The following CYP2C8 variants were observed in gnomAD, a reference collection of about 807,000 sequenced individuals.
The protein encoded by CYP2C8 is cytochrome P450 2C8.
A neutral mutation model predicts 41.3 loss-of-function variants in CYP2C8; 51 were observed. The ratio of observed to expected loss-of-function variants is 1.24; its 90% confidence interval spans 0.99 to 1.56. CYP2C8 has a LOEUF of 1.56. Among genes scored for constraint, CYP2C8 ranks in the 40% most tolerant of loss-of-function variants. The pLI is 0.00. For synonymous variants in CYP2C8, 218 were observed against 205.8 expected, an observed-to-expected ratio of 1.06 and a Z score of -0.51; for missense variants, 651 against 579.9, an observed-to-expected ratio of 1.12 and a Z score of -1.26.
At chr10:95,056,405 C>A (rs1001588649) in intron 5 of CYP2C8, among the ~76,000 whole-genome samples, 1 of 151,826 alleles carries the variant, frequency 6.6e-6, no homozygotes, top group Non-Finnish European at 1.5e-5. Flanking sequence ...AGGACTATAC[C>A]CTGGAAAAAT....
intron 5 of CYP2C8, among the ~76,000 whole-genome samples, chr10:95,050,860 C>A (rs1340691993): frequency 2.1e-5 from 3 of 143,426 alleles, no homozygotes; most frequent in Non-Finnish European, 3.1e-5. Flanking sequence ...GAAAGCCTAA[C>A]AAGAAGGATG....
At chr10:95,039,062 C>G in intron 7 of CYP2C8, 24 bp from the exon 8 acceptor site, 3 of 1,609,752 alleles carry the variant, frequency 1.9e-6, no homozygotes, top group Non-Finnish European at 2.6e-6. Flanking sequence ...AACAGATAAT[C>G]TGATTTATAA....
At chr10:95,055,922 T>C (rs1209713281) in intron 5 of CYP2C8, among the ~76,000 whole-genome samples, 1 of 151,820 alleles carries the variant, frequency 6.6e-6, no homozygotes, top group East Asian at 1.9e-4. Context: ...GAAACCAAGT[T>C]TGTACAAAAA....
chr10:95,052,163 G>C (rs1564737214), intron 5 of CYP2C8, among the ~76,000 whole-genome samples: 1 of 151,964 alleles, frequency 6.6e-6, no homozygotes, highest in Non-Finnish European at 1.5e-5. Flanking sequence ...ATCATTGGTG[G>C]CTACCATGAA....
intron 3 of CYP2C8, among the ~76,000 whole-genome samples, chr10:95,065,352 G>C (rs1312868573): frequency 1.3e-5 from 2 of 152,134 alleles, no homozygotes; most frequent in African/African-American, 4.8e-5. Context: ...AGAAAAGTTG[G>C]GGACCTAGAA....
chr10:95,049,888 G>C (rs2033183942), intron 5 of CYP2C8, among the ~76,000 whole-genome samples: 2 of 136,488 alleles, frequency 1.5e-5, no homozygotes, highest in Non-Finnish European at 3.1e-5. Flanking sequence ...ATAGCTAGCA[G>C]CAATACCCAG....
chr10:95,060,535 G>A (rs963937405), intron 4 of CYP2C8, among the ~76,000 whole-genome samples: 2 of 152,188 alleles, frequency 1.3e-5, no homozygotes, highest in Admixed American at 6.5e-5. Flanking sequence ...AGCTTAAGGA[G>A]ATTTTGGGCT....
At position 95,069,469 on chromosome 10, in the gene CYP2C8, C is replaced by T. The variant is rs1392342331; in HGVS notation, c.-67G>A. ...TCCAAAGTTTTTATAACACTCCCTG[C>T]TAATTTAGTGTGTGTCTCTTTGACA... is the stretch of plus-strand genomic sequence containing the variant. On this transcript the variant is annotated 5_prime_UTR_variant, in exon 1 of 9. The change abolishes the stop of an existing upstream ORF in the 5' untranslated region. Coordinates refer to ENST00000371270, the MANE Select transcript of CYP2C8 (RefSeq NM_000770.3). 1 of 1,272,090 alleles carries T rather than the reference C, an allele frequency of 7.9e-7. No individual in the cohort carries two copies. The highest frequency in any genetic ancestry group is 1.1e-6 in the Non-Finnish European group (1 of 874,132). The allele number at this position is 1,272,090 out of a possible 1,614,324, so 78.8% of individuals were successfully genotyped here.
chr10:95,046,063 A>T, intron 5 of CYP2C8, 112 bp from the exon 6 acceptor site: 9 of 1,212,310 alleles, frequency 7.4e-6, no homozygotes, highest in Non-Finnish European at 1.1e-5. Flanking sequence ...GATACTGGAC[A>T]GTACAGTATT....
At chr10:95,064,327 G>C (rs2033510436) in intron 4 of CYP2C8, among the ~76,000 whole-genome samples, 1 of 152,162 alleles carries the variant, frequency 6.6e-6, no homozygotes, top group South Asian at 2.1e-4. Flanking sequence ...CCTCAGCAAT[G>C]GTGGACACCC....
At chr10:95,056,705 G>T (rs895938794) in intron 5 of CYP2C8, among the ~76,000 whole-genome samples, 3 of 152,186 alleles carry the variant, frequency 2.0e-5, no homozygotes, top group African/African-American at 7.2e-5. Flanking sequence ...AATCCATAAA[G>T]ATAGTTGATT....
chr10:95,050,666 A>G (rs999281244), intron 5 of CYP2C8, among the ~76,000 whole-genome samples: 2 of 152,162 alleles, frequency 1.3e-5, no homozygotes, highest in African/African-American at 2.4e-5. Flanking sequence ...CAAGACCATC[A>G]AGGCAGTACC....
chr10:95,059,614 G>C (rs1006621401), intron 4 of CYP2C8, among the ~76,000 whole-genome samples: 3 of 152,164 alleles, frequency 2.0e-5, no homozygotes, highest in Non-Finnish European at 4.4e-5. Flanking sequence ...TCTGATGGTA[G>C]TTTCTTTTGC....
rs368892540 is a variant in CYP2C8 at position 95,041,514 on chromosome 10, G to A, written c.1149+1376C>T. 8.5e-5 allele frequency among the ~76,000 whole-genome samples: 13 copies of A among 152,290 alleles called. 1 individual carries two copies. The South Asian group carries it at 2.7e-3, about 32-fold the overall frequency. On this transcript the variant is annotated intron_variant, in intron 7 of 8. Coordinates refer to ENST00000371270, the MANE Select transcript of CYP2C8 (RefSeq NM_000770.3). ...AATCTGTGCAAGGCCGGGCGCGGTG[G>A]CTCACGCCTGTAGTCCCAGCACTTT...
At chr10:95,049,339 A>G (rs2033170292) in intron 5 of CYP2C8, among the ~76,000 whole-genome samples, 1 of 152,172 alleles carries the variant, frequency 6.6e-6, no homozygotes, top group African/African-American at 2.4e-5. Flanking sequence ...AATATATATC[A>G]CTGAAAGAGG....
Position 95,067,545 on chromosome 10 carries a change from T to C in CYP2C8, c.315A>G (p.Arg105=). 6.2e-7 allele frequency: 1 copy of C among 1,614,106 alleles called. No homozygotes were observed. Among genetic ancestry groups the C allele is most frequent in the Non-Finnish European group, 8.5e-7 (1 of 1,180,024 alleles). ...TGCACCTACCAAGTCCTTTAGTAAT[T>C]CTTTGAGATATTGGGGAATTGCCTC... ...SGRGNSPISQ[R]ITKGLGIISS... Residue 105 remains arginine, a synonymous_variant, in exon 2 of 9, where the codon AGA becomes AGG. Coordinates refer to ENST00000371270, the MANE Select transcript of CYP2C8 (RefSeq NM_000770.3).
chr10:95,037,087 G>A lies in CYP2C8; in HGVS notation c.*41C>T, dbSNP rs763093989. On this transcript the variant is annotated 3_prime_UTR_variant, in exon 9 of 9. Coordinates refer to ENST00000371270, the MANE Select transcript of CYP2C8 (RefSeq NM_000770.3). ...GAATGTCCTTGATAAAAAAAGAGTT[G>A]CAGGTGATAGCAGATCGGCAGCCAG... The A allele has an allele frequency of 3.2e-6, 5 of 1,568,600 alleles. No individual in the cohort carries two copies. The highest frequency in any genetic ancestry group is 4.4e-6 in the Non-Finnish European group (5 of 1,139,246).
Position 95,067,382 on chromosome 10 carries a change from G to A in CYP2C8, c.332-25C>T, listed in dbSNP as rs1344289142. Reference sequence around the variant, plus strand: ...CCTAATAAAAAAAGGGGCAGAAACTGGGAGAATTCACAGCCAAGGAAGAAA... The same window carrying A: ...CCTAATAAAAAAAGGGGCAGAAACTAGGAGAATTCACAGCCAAGGAAGAAA... On this transcript the variant is annotated intron_variant, in intron 2 of 8. Transcript: ENST00000371270. 7 of 1,613,970 alleles carry A rather than the reference G, an allele frequency of 4.3e-6. No individual in the cohort carries two copies. In the East Asian group the frequency reaches 1.6e-4, roughly 36 times the overall value.
At chr10:95,065,023 G>A (rs2033530455) in intron 3 of CYP2C8, 63 bp from the exon 4 acceptor site, 1 of 1,297,034 alleles carries the variant, frequency 7.7e-7, no homozygotes, top group Non-Finnish European at 1.0e-6. Flanking sequence ...ATTTGCATTT[G>A]TTAAGACATA....
Sources: gnomAD v4.1 joint callset for allele counts (sites outside exome capture counted in the v4.1 genomes callset) on GRCh38, gnomAD v4.1.1 for gene constraint, MANE v1.5 for transcripts, NCBI Gene and HGNC (gene_info 2026-07-23, HGNC 2026-07-21) for gene names.